Variants in TNFRSF10B observed in about 807,000 individuals in gnomAD.
The protein encoded by TNFRSF10B is tumor necrosis factor receptor superfamily member 10B.
TNFRSF10B carries 35 observed loss-of-function variants against 41.4 expected under a neutral mutation model. That is an observed-to-expected ratio of 0.85 (90% CI 0.65 to 1.12). The LOEUF is 1.12. Among genes scored for constraint, TNFRSF10B ranks in the 50% most tolerant of loss-of-function variants. The probability of loss-of-function intolerance (pLI) is 0.00; values close to 1 mark genes in which losing one functional copy is unlikely to be tolerated. For missense variants in TNFRSF10B, 584 were observed against 552.7 expected, an observed-to-expected ratio of 1.06 and a Z score of -0.57; for synonymous variants, 230 against 215.5, an observed-to-expected ratio of 1.07 and a Z score of -0.59.
At position 23,020,693 on chromosome 8, in the gene TNFRSF10B, A is replaced by G. The variant is rs1811490326; in HGVS notation, c.*1978T>C. On this transcript the variant is annotated 3_prime_UTR_variant, in exon 9 of 9. Transcript: ENST00000276431. Reference sequence around the variant, plus strand: ...GGCGAGAGAGTGAGATTCTGTCTCAAAAAAATTAAAAATAAAAGAAAAATC... The same window carrying G: ...GGCGAGAGAGTGAGATTCTGTCTCAGAAAAATTAAAAATAAAAGAAAAATC... 1 of 453,912 alleles carries G rather than the reference A, an allele frequency of 2.2e-6. No homozygotes were observed. The highest frequency in any genetic ancestry group is 2.0e-5 in the African/African-American group (1 of 49,982). The allele number at this position is 453,912 out of a possible 1,614,324, so 28.1% of individuals were successfully genotyped here.
At chr8:23,040,837 C>T (rs1313824182) in intron 2 of TNFRSF10B, among the ~76,000 whole-genome samples, 1 of 152,042 alleles carries the variant, frequency 6.6e-6, no homozygotes, top group East Asian at 1.9e-4. Context: ...ACAAACCTTA[C>T]TTAATAATGT....
chr8:23,043,148 C>A lies in TNFRSF10B; in HGVS notation c.240G>T (p.Leu80Phe). 6.2e-7 allele frequency: 1 copy of A among 1,614,128 alleles called. No homozygotes were observed. Among genetic ancestry groups the A allele is most frequent in the Non-Finnish European group, 8.5e-7 (1 of 1,180,008 alleles). ...QQKRSSPSEG[L>F]CPPGHHISED... The stretch of plus-strand genomic sequence containing the variant: ...CCATCTTGAACATACCAGGTGGACA[C>A]AATCCCTCTGAGGGGCTGGACCTCT... Residue 80 changes from leucine to phenylalanine, a missense_variant, in exon 2 of 9, where the codon TTG (leucine) becomes TTT (phenylalanine). Physicochemically the swap from Leu to Phe is conservative, Grantham distance 22. Transcript: ENST00000276431.
intron 1 of TNFRSF10B, chr8:23,068,236 GAACCAC>G: frequency 6.1e-6 from 1 of 164,038 alleles, no homozygotes; most frequent in Non-Finnish European, 1.3e-5. Flanking sequence ...GCACGGAACG[GAACCAC>G]TGGGCCGCAG....
At chr8:23,058,337 G>A (rs1321463695) in intron 1 of TNFRSF10B, among the ~76,000 whole-genome samples, 1 of 152,128 alleles carries the variant, frequency 6.6e-6, no homozygotes, top group Non-Finnish European at 1.5e-5. Context: ...TATAGTGTTT[G>A]GTGGATTTAC....
At chr8:23,065,332 G>C (rs566231561) in intron 1 of TNFRSF10B, among the ~76,000 whole-genome samples, 1 of 152,326 alleles carries the variant, frequency 6.6e-6, no homozygotes, top group East Asian at 1.9e-4. Context: ...GTAGAGCTCT[G>C]TAGTCTCTGT....
intron 1 of TNFRSF10B, chr8:23,068,533 A>C: frequency 1.5e-6 from 1 of 659,582 alleles, no homozygotes; most frequent in Non-Finnish European, 2.5e-6. Flanking sequence ...ATTTACACCA[A>C]GTGGAGCGCG....
At chr8:23,033,808 G>C (rs1585211121) in intron 2 of TNFRSF10B, among the ~76,000 whole-genome samples, 2 of 152,088 alleles carry the variant, frequency 1.3e-5, no homozygotes, top group African/African-American at 2.4e-5. Context: ...CAGAAGAGGG[G>C]GGGAGAGAGA....
chr8:23,039,359 G>A (rs1326400111), intron 2 of TNFRSF10B, among the ~76,000 whole-genome samples: 1 of 152,018 alleles, frequency 6.6e-6, no homozygotes, highest in African/African-American at 2.4e-5. Flanking sequence ...ACATAACTGT[G>A]GAGGCTGGCA....
intron 2 of TNFRSF10B, among the ~76,000 whole-genome samples, chr8:23,037,436 G>T (rs1416058782): frequency 6.6e-6 from 1 of 152,230 alleles, no homozygotes; most frequent in East Asian, 1.9e-4. Context: ...CTATCATGGA[G>T]GGGGCAGCAT....
intron 1 of TNFRSF10B, chr8:23,050,025 A>G (rs1283241384): frequency 6.6e-6 from 1 of 152,210 alleles, no homozygotes; most frequent in African/African-American, 2.4e-5. Flanking sequence ...GTTTATGTGC[A>G]AATCTACACG....
chr8:23,039,628 T>G (rs1481150324), intron 2 of TNFRSF10B, among the ~76,000 whole-genome samples: 2 of 152,084 alleles, frequency 1.3e-5, no homozygotes, highest in African/African-American at 4.8e-5. Flanking sequence ...TCTAGGATAA[T>G]ATTTGGCCAA....
Position 23,027,124 on chromosome 8 carries a change from C to T in TNFRSF10B, c.936+9G>A, listed in dbSNP as rs1345242307. Reference sequence around the variant, plus strand: ...TGCCAGGAAACAAAATGATCTGTCCCCCACTCACCAGCAGATGCTCTGACT... The same window carrying T: ...TGCCAGGAAACAAAATGATCTGTCCTCCACTCACCAGCAGATGCTCTGACT... On this transcript the variant is annotated intron_variant, in intron 7 of 8. Coordinates refer to ENST00000276431, the MANE Select transcript of TNFRSF10B (RefSeq NM_003842.5). 1.9e-6 allele frequency: 3 copies of T among 1,613,910 alleles called. 1 individual carries two copies. Among genetic ancestry groups the T allele is most frequent in the South Asian group, 2.2e-5 (2 of 91,066 alleles).
chr8:23,063,669 G>C (rs139419635), intron 1 of TNFRSF10B, among the ~76,000 whole-genome samples: 38 of 152,054 alleles, frequency 2.5e-4, no homozygotes, highest in African/African-American at 6.8e-4. Flanking sequence ...CCTCCTTCAC[G>C]ATAATGCAAC....
intron 2 of TNFRSF10B, chr8:23,042,876 A>G (rs1297493337): frequency 2.6e-6 from 1 of 389,984 alleles, no homozygotes; most frequent in Admixed American, 3.9e-5. Context: ...CAAAGTCACC[A>G]TTGCCTGGAG....
chr8:23,033,585 C>CAAAAAAAAAAAAAAAAA (rs59282000), intron 2 of TNFRSF10B, among the ~76,000 whole-genome samples: 1 of 62,278 alleles, frequency 1.6e-5, no homozygotes, highest in Non-Finnish European at 2.7e-5. Context: ...GACTCCGTCT[C>CAAAAAAAAAAAAAAAAA]AAAAAAAAAA....
chr8:23,060,197 T>G lies in TNFRSF10B; in HGVS notation c.144+8554A>C, dbSNP rs545272115. 2.6e-5 allele frequency among the ~76,000 whole-genome samples: 4 copies of G among 152,340 alleles called. No homozygotes were observed. In the East Asian group the frequency reaches 7.7e-4, roughly 29 times the overall value. On this transcript the variant is annotated intron_variant, in intron 1 of 8. Transcript: ENST00000276431. ...TGTTGCCTATGTCCATGGTGTCACA[T>G]CCAAGAAATTATTGCCAAATCCAAT...
At chr8:23,063,548 A>C (rs945974551) in intron 1 of TNFRSF10B, among the ~76,000 whole-genome samples, 1 of 152,100 alleles carries the variant, frequency 6.6e-6, no homozygotes, top group African/African-American at 2.4e-5. Context: ...CAAGTCTCAG[A>C]TTAGAAACAC....
chr8:23,038,581 G>A (rs1375934762), intron 2 of TNFRSF10B, among the ~76,000 whole-genome samples: 1 of 152,132 alleles, frequency 6.6e-6, no homozygotes, highest in African/African-American at 2.4e-5. Context: ...TAGTATTTAA[G>A]TATTGTTCAC....
intron 1 of TNFRSF10B, among the ~76,000 whole-genome samples, chr8:23,063,442 G>A (rs1812890878): frequency 6.6e-6 from 1 of 151,850 alleles, no homozygotes; most frequent in Non-Finnish European, 1.5e-5. Flanking sequence ...TATGAGCAAT[G>A]ACGTGCCCAT....
Sources: gnomAD v4.1 joint callset for allele counts (sites outside exome capture counted in the v4.1 genomes callset) on GRCh38, gnomAD v4.1.1 for gene constraint, MANE v1.5 for transcripts, NCBI Gene and HGNC (gene_info 2026-07-23, HGNC 2026-07-21) for gene names.